Variants in SGMS1 observed in about 807,000 individuals in gnomAD.
SGMS1 encodes the protein sphingomyelin synthase 1.
Under a neutral mutation model 46.2 loss-of-function variants are expected in SGMS1, and 13 were observed. The ratio of observed to expected loss-of-function variants is 0.28; its 90% CI spans 0.18 to 0.45. The LOEUF is 0.45. SGMS1 is among the 20% of genes least tolerant of loss of function. The pLI is 1.00. For missense variants in SGMS1, 324 were observed against 519.9 expected (o/e 0.62, Z 3.66); for synonymous variants, 203 against 187.8 (o/e 1.08, Z -0.66).
At chr10:50,401,199 C>T (rs1848935626) in intron 6 of SGMS1, among the ~76,000 whole-genome samples, 1 of 152,142 alleles carries the variant, frequency 6.6e-6, no homozygotes, top group South Asian at 2.1e-4. Context: ...TAAACTAGCC[C>T]CAATTTCCAT....
intron 3 of SGMS1, among the ~76,000 whole-genome samples, chr10:50,503,919 G>A (rs549637897): frequency 2.2e-4 from 33 of 152,340 alleles, no homozygotes; most frequent in South Asian, 1.0e-3. Context: ...TATCAAGATC[G>A]TAGAAGTTTT....
intron 5 of SGMS1, among the ~76,000 whole-genome samples, chr10:50,454,925 A>G (rs1352542934): frequency 1.3e-5 from 2 of 152,196 alleles, no homozygotes; most frequent in African/African-American, 4.8e-5. Flanking sequence ...AGTCTTTCCT[A>G]CCCAAAAACA....
chr10:50,328,852 T>A (rs1285527328), intron 7 of SGMS1, among the ~76,000 whole-genome samples: 1 of 152,206 alleles, frequency 6.6e-6, no homozygotes, highest in Non-Finnish European at 1.5e-5. Flanking sequence ...TAGAGAAGAA[T>A]ACCAGCCTAT....
intron 6 of SGMS1, among the ~76,000 whole-genome samples, chr10:50,420,439 A>ACAT (rs369611775): frequency 2.6e-5 from 4 of 152,246 alleles, no homozygotes; most frequent in African/African-American, 4.8e-5. Context: ...GCCTCTCAAC[A>ACAT]CATCATCATC....
chr10:50,472,312 A>G (rs913459566), intron 3 of SGMS1, among the ~76,000 whole-genome samples: 11 of 152,094 alleles, frequency 7.2e-5, no homozygotes, highest in African/African-American at 2.7e-4. Context: ...GATTTCTTGA[A>G]CTTATTCCTC....
chr10:50,370,928 C>T (rs1210917412), intron 6 of SGMS1, among the ~76,000 whole-genome samples: 1 of 151,994 alleles, frequency 6.6e-6, no homozygotes, highest in Admixed American at 6.5e-5. Flanking sequence ...GAAGGACTTG[C>T]TTTATAGTTA....
intron 6 of SGMS1, among the ~76,000 whole-genome samples, chr10:50,345,075 C>G (rs1847894196): frequency 6.6e-6 from 1 of 151,826 alleles, no homozygotes; most frequent in Non-Finnish European, 1.5e-5. Flanking sequence ...TACAGCAACT[C>G]ACAGAATTGC....
Position 50,525,502 on chromosome 10 carries a change from G to C in SGMS1, c.-588-5581C>G, listed in dbSNP as rs150078647. The stretch of plus-strand genomic sequence containing the variant: ...TTCACTGGTAGAGACCAAGATGCTT[G>C]GTCTCTTGGACCTTGACTGGAAGAT... On this transcript the variant is annotated intron_variant, in intron 2 of 10. Transcript: ENST00000361781. Among the ~76,000 whole-genome samples the C allele has an allele frequency of 8.8e-3, 1,332 of 152,208 alleles. 13 individuals are homozygous for C. The highest frequency in any genetic ancestry group is 0.027 in the South Asian group (132 of 4,808).
At chr10:50,503,294 C>T (rs1156843886) in intron 3 of SGMS1, among the ~76,000 whole-genome samples, 1 of 152,194 alleles carries the variant, frequency 6.6e-6, no homozygotes, top group East Asian at 1.9e-4. Flanking sequence ...ATTAGGAACA[C>T]GCTAATTGTC....
At chr10:50,380,466 C>T (rs949931534) in intron 6 of SGMS1, among the ~76,000 whole-genome samples, 12 of 151,960 alleles carry the variant, frequency 7.9e-5, no homozygotes, top group African/African-American at 1.9e-4. Flanking sequence ...ATAGGGATGG[C>T]GCTACCCAGG....
chr10:50,577,127 A>T (rs1302824667), intron 2 of SGMS1, among the ~76,000 whole-genome samples: 1 of 152,212 alleles, frequency 6.6e-6, no homozygotes, highest in African/African-American at 2.4e-5. Flanking sequence ...TGGAAGACTC[A>T]GGCTGCTTCC....
At chr10:50,464,920 G>T (rs144945276) in intron 4 of SGMS1, among the ~76,000 whole-genome samples, 19 of 152,268 alleles carry the variant, frequency 1.2e-4, no homozygotes, top group African/African-American at 3.1e-4. Context: ...TATAAGAAGG[G>T]GCAGTTTGCC....
At chr10:50,558,253 G>C (rs545123738) in intron 2 of SGMS1, among the ~76,000 whole-genome samples, 1 of 152,108 alleles carries the variant, frequency 6.6e-6, no homozygotes. Flanking sequence ...ATGGGTCAAC[G>C]AACTCTCATT....
At chr10:50,574,845 T>C (rs1479220200) in intron 2 of SGMS1, among the ~76,000 whole-genome samples, 1 of 151,836 alleles carries the variant, frequency 6.6e-6, no homozygotes, top group Non-Finnish European at 1.5e-5. Context: ...AATATGCTAA[T>C]TACCCTGATC....
In SGMS1 at chr10:50,582,107, A is replaced by C. The variant is rs559779653; in HGVS notation, c.-589+8046T>G. Among the ~76,000 whole-genome samples, 11 of 152,324 alleles carry C rather than the reference A, an allele frequency of 7.2e-5. No individual in the cohort carries two copies. The South Asian group carries it at 2.1e-3, about 29-fold the overall frequency. Reference sequence around the variant, plus strand: ...ATTTTTCCTCAAAAGCACGGCAGAGAGCACCAAAATTGTGTTTTCTGCTAA... The same window carrying C: ...ATTTTTCCTCAAAAGCACGGCAGAGCGCACCAAAATTGTGTTTTCTGCTAA... On this transcript the variant is annotated intron_variant, in intron 2 of 10. Coordinates refer to ENST00000361781, the MANE Select transcript of SGMS1 (RefSeq NM_147156.4).
At chr10:50,598,102 A>G (rs1352973476) in intron 1 of SGMS1, among the ~76,000 whole-genome samples, 1 of 146,678 alleles carries the variant, frequency 6.8e-6, no homozygotes, top group Non-Finnish European at 1.5e-5. Flanking sequence ...CACAAAATTC[A>G]TATGTTGAAA....
intron 6 of SGMS1, among the ~76,000 whole-genome samples, chr10:50,390,684 G>A (rs1345465649): frequency 6.6e-6 from 1 of 152,166 alleles, no homozygotes; most frequent in East Asian, 1.9e-4. Context: ...TTCATGTCTA[G>A]ATACTTTAAA....
At chr10:50,606,714 T>C (rs1021821463) in intron 1 of SGMS1, among the ~76,000 whole-genome samples, 2 of 152,220 alleles carry the variant, frequency 1.3e-5, no homozygotes, top group African/African-American at 2.4e-5. Context: ...TGAACTGATG[T>C]ATGATCAATG....
chr10:50,431,463 A>G (rs1020937467), intron 6 of SGMS1, among the ~76,000 whole-genome samples: 1 of 152,176 alleles, frequency 6.6e-6, no homozygotes, highest in Non-Finnish European at 1.5e-5. Context: ...AACAAACACA[A>G]TCTTAGCTGT....
Sources: allele counts gnomAD v4.1 joint callset (sites outside exome capture counted in the v4.1 genomes callset), GRCh38; gene constraint gnomAD v4.1.1; transcripts MANE v1.5; gene names NCBI Gene and HGNC (gene_info 2026-07-23, HGNC 2026-07-21).